XKR9: variants seen among roughly 807,000 people sequenced by gnomAD.
The protein encoded by XKR9 is XK related 9.
In XKR9, 32 loss-of-function variants were observed where a neutral mutation model predicts 32.0. The ratio of observed to expected loss-of-function variants is 1.00; its 90% CI spans 0.76 to 1.34. The LOEUF (loss-of-function observed/expected upper bound fraction) is 1.34, where lower values mean the gene tolerates loss of function less well. Ranked by LOEUF, XKR9 falls within the 40% of genes most tolerant of loss-of-function variation. The pLI is 0.00. For missense variants in XKR9, 546 were observed against 429.7 expected (o/e 1.27, Z -2.39); for synonymous variants, 168 against 143.4 (o/e 1.17, Z -1.22).
At chr8:70,812,307 TA>T in the XKR9 span, among the ~76,000 whole-genome samples, 4 of 152,164 alleles carry the variant, frequency 2.6e-5, no homozygotes, top group Non-Finnish European at 5.9e-5. Context: ...TAATAAGAGC[TA>T]TGTACGACAA....
At chr8:70,744,579 C>T (rs1807032050) in intron 2 of XKR9, among the ~76,000 whole-genome samples, 1 of 152,076 alleles carries the variant, frequency 6.6e-6, no homozygotes, top group African/African-American at 2.4e-5. Flanking sequence ...AATAGGTTAC[C>T]TACAGCTATG....
chr8:70,900,182 A>T, the XKR9 span, among the ~76,000 whole-genome samples: 1 of 152,076 alleles, frequency 6.6e-6, no homozygotes, highest in Non-Finnish European at 1.5e-5. Context: ...CCACTCCCAA[A>T]CCCTTAATAG....
intron 4 of XKR9, among the ~76,000 whole-genome samples, chr8:70,724,747 G>C (rs776102305): frequency 3.3e-5 from 5 of 152,170 alleles, no homozygotes; most frequent in Non-Finnish European, 7.3e-5. Context: ...TGGTACCTCA[G>C]TTGGAAATGC....
chr8:70,750,961 G>A (rs930972896), intron 2 of XKR9, among the ~76,000 whole-genome samples: 4 of 152,174 alleles, frequency 2.6e-5, no homozygotes, highest in African/African-American at 7.2e-5. Flanking sequence ...CCGTAGTGTG[G>A]TTGGGCCTCA....
At position 70,724,018 on chromosome 8, in the gene XKR9, G is replaced by A. The variant is rs141475813; in HGVS notation, c.494-9778G>A. Among the ~76,000 whole-genome samples the A allele has an allele frequency of 4.3e-3, 650 of 152,158 alleles. 2 individuals carry two copies. Among genetic ancestry groups the A allele is most frequent in the Non-Finnish European group, 6.8e-3 (462 of 68,008 alleles). On this transcript the variant is annotated intron_variant, in intron 4 of 4. Coordinates refer to ENST00000408926, the MANE Select transcript of XKR9 (RefSeq NM_001011720.2). ...CTTTACCGAGGTGTTCTGTCCCAGG[G>A]AGATGGGAATTTTATCCGTAAGCCC...
the XKR9 span, among the ~76,000 whole-genome samples, chr8:70,901,379 TG>T: frequency 1.3e-5 from 2 of 152,342 alleles, no homozygotes; most frequent in African/African-American, 4.8e-5. Flanking sequence ...TATCTCATTG[TG>T]GTTTTGATTT....
chr8:70,807,727 T>C, the XKR9 span, among the ~76,000 whole-genome samples: 1 of 152,168 alleles, frequency 6.6e-6, no homozygotes, highest in Non-Finnish European at 1.5e-5. Flanking sequence ...TCTAAATATA[T>C]ATGCACCAAA....
chr8:70,706,771 A>G (rs1805730144), intron 3 of XKR9, among the ~76,000 whole-genome samples, 162 bp from the exon 4 acceptor site: 1 of 152,126 alleles, frequency 6.6e-6, no homozygotes, highest in South Asian at 2.1e-4. Flanking sequence ...GAATCTCAAT[A>G]AAGCCACTAT....
At chr8:70,959,056 T>A in the XKR9 span, among the ~76,000 whole-genome samples, 1 of 152,144 alleles carries the variant, frequency 6.6e-6, no homozygotes, top group Non-Finnish European at 1.5e-5. Context: ...TTCTTTTAAG[T>A]ATACACTTTA....
chr8:70,796,395 T>G, the XKR9 span, among the ~76,000 whole-genome samples: 2 of 152,154 alleles, frequency 1.3e-5, no homozygotes, highest in Non-Finnish European at 2.9e-5. Flanking sequence ...CTTATAATCT[T>G]TTATATTTGT....
At chr8:70,777,392 T>A (rs1282168066) in intron 2 of XKR9, among the ~76,000 whole-genome samples, 1 of 152,182 alleles carries the variant, frequency 6.6e-6, no homozygotes, top group Non-Finnish European at 1.5e-5. Context: ...GACTTTGCTA[T>A]TGTGAATTGT....
the XKR9 span, among the ~76,000 whole-genome samples, chr8:70,924,419 A>G: frequency 6.6e-6 from 1 of 152,080 alleles, no homozygotes; most frequent in Admixed American, 6.5e-5. Context: ...TGGCTTCTCT[A>G]TTATCTATAG....
chr8:70,869,629 T>A, the XKR9 span, among the ~76,000 whole-genome samples: 2 of 152,198 alleles, frequency 1.3e-5, no homozygotes, highest in Non-Finnish European at 2.9e-5. Flanking sequence ...TTCCACTGTA[T>A]CTCACTGTCT....
At chr8:71,027,826 G>A in the XKR9 span, among the ~76,000 whole-genome samples, 1 of 150,816 alleles carries the variant, frequency 6.6e-6, no homozygotes, top group African/African-American at 2.4e-5. Context: ...GGGCAGTGGT[G>A]TGATCAATCA....
the XKR9 span, among the ~76,000 whole-genome samples, chr8:71,032,586 T>C: frequency 6.6e-6 from 1 of 152,134 alleles, no homozygotes. Flanking sequence ...TAAGGGCTTG[T>C]TAAAAATACA....
intron 3 of XKR9, among the ~76,000 whole-genome samples, chr8:70,686,842 G>T (rs1819297934): frequency 6.6e-6 from 1 of 151,794 alleles, no homozygotes; most frequent in Non-Finnish European, 1.5e-5. Context: ...GTACATAATA[G>T]GTGTATATAT....
the XKR9 span, among the ~76,000 whole-genome samples, chr8:71,028,999 T>G: frequency 6.6e-6 from 1 of 152,112 alleles, no homozygotes; most frequent in African/African-American, 2.4e-5. Context: ...CCTTCATGAT[T>G]TCTCTGAGTC....
the XKR9 span, among the ~76,000 whole-genome samples, chr8:70,889,947 T>G: frequency 1.3e-5 from 2 of 152,100 alleles, no homozygotes; most frequent in African/African-American, 4.8e-5. Context: ...GTAATGGGAC[T>G]GCTGGGGTTG....
At chr8:70,715,614 A>G (rs1806061849) in intron 4 of XKR9, among the ~76,000 whole-genome samples, 1 of 152,270 alleles carries the variant, frequency 6.6e-6, no homozygotes, top group African/African-American at 2.4e-5. Context: ...ATTAAATGAT[A>G]TGGGTTATTA....
Sources: allele counts gnomAD v4.1 joint callset (sites outside exome capture counted in the v4.1 genomes callset), GRCh38; gene constraint gnomAD v4.1.1; transcripts MANE v1.5; gene names NCBI Gene and HGNC (gene_info 2026-07-23, HGNC 2026-07-21).